Variants in SLC24A3 observed in about 807,000 individuals in gnomAD.
The protein encoded by SLC24A3 is solute carrier family 24 member 3.
Under a neutral mutation model 75.8 loss-of-function variants are expected in SLC24A3, and 28 were observed. The ratio of observed to expected loss-of-function variants is 0.37; its 90% CI spans 0.27 to 0.51. The LOEUF is 0.51. Among genes scored for constraint, SLC24A3 ranks in the 20% least tolerant of loss-of-function variants. The pLI is 0.94. For missense variants in SLC24A3, 663 were observed against 847.8 expected (o/e 0.78, Z 2.71); for synonymous variants, 372 against 334.1 (o/e 1.11, Z -1.24).
chr20:19,530,345 T>G (rs1041022633), intron 3 of SLC24A3, among the ~76,000 whole-genome samples: 2 of 152,134 alleles, frequency 1.3e-5, no homozygotes, highest in Non-Finnish European at 2.9e-5. Context: ...ATCAACTGAG[T>G]GCCGAGGGCC....
chr20:19,258,009 G>T (rs760130559), intron 1 of SLC24A3, among the ~76,000 whole-genome samples: 1 of 152,206 alleles, frequency 6.6e-6, no homozygotes, highest in East Asian at 1.9e-4. Flanking sequence ...CTTCTTAAAG[G>T]CTGGTAAGAG....
chr20:19,641,803 T>A (rs1029315259), intron 6 of SLC24A3, among the ~76,000 whole-genome samples: 3 of 152,156 alleles, frequency 2.0e-5, no homozygotes, highest in African/African-American at 4.8e-5. Context: ...GTGATTCCAA[T>A]GTACAGCCAA....
intron 2 of SLC24A3, among the ~76,000 whole-genome samples, chr20:19,290,603 A>G (rs1983918590): frequency 6.6e-6 from 1 of 152,178 alleles, no homozygotes; most frequent in Non-Finnish European, 1.5e-5. Flanking sequence ...TGGACTTCCC[A>G]GCCTTCAGAG....
At chr20:19,320,816 G>C (rs886272876) in intron 2 of SLC24A3, among the ~76,000 whole-genome samples, 1 of 151,986 alleles carries the variant, frequency 6.6e-6, no homozygotes, top group African/African-American at 2.4e-5. Context: ...GAATAATTAC[G>C]AGAAAACAGT....
At chr20:19,501,953 G>A (rs1988390623) in intron 2 of SLC24A3, among the ~76,000 whole-genome samples, 1 of 152,114 alleles carries the variant, frequency 6.6e-6, no homozygotes, top group Non-Finnish European at 1.5e-5. Context: ...ACTTAATGTG[G>A]CTAAGGGCAA....
At chr20:19,317,702 C>G (rs1314520323) in intron 2 of SLC24A3, among the ~76,000 whole-genome samples, 2 of 152,160 alleles carry the variant, frequency 1.3e-5, no homozygotes, top group Admixed American at 6.5e-5. Flanking sequence ...CTTTTGTTCT[C>G]CCCTTCACCA....
intron 7 of SLC24A3, among the ~76,000 whole-genome samples, chr20:19,661,856 A>G (rs1274373285): frequency 6.6e-6 from 1 of 151,866 alleles, no homozygotes; most frequent in Non-Finnish European, 1.5e-5. Flanking sequence ...TGAGCACTCC[A>G]TTCCCTTGGC....
intron 15 of SLC24A3, among the ~76,000 whole-genome samples, chr20:19,707,761 G>A (rs1185953624): frequency 6.6e-6 from 1 of 152,204 alleles, no homozygotes; most frequent in Non-Finnish European, 1.5e-5. Flanking sequence ...ATGGAGATGG[G>A]GAGACAAGCT....
intron 13 of SLC24A3, chr20:19,695,622 T>C (rs1397559525): frequency 6.6e-6 from 1 of 152,216 alleles, no homozygotes; most frequent in Non-Finnish European, 1.5e-5. Context: ...ACTGAAATAA[T>C]GTTCATCGTA....
intron 2 of SLC24A3, among the ~76,000 whole-genome samples, chr20:19,484,593 A>G (rs543881998): frequency 6.6e-6 from 1 of 152,370 alleles, no homozygotes; most frequent in African/African-American, 2.4e-5. Flanking sequence ...GGTCACAAAA[A>G]GGCAAATGCT....
At chr20:19,691,010 G>A (rs1302083895) in intron 12 of SLC24A3, among the ~76,000 whole-genome samples, 1 of 152,064 alleles carries the variant, frequency 6.6e-6, no homozygotes, top group African/African-American at 2.4e-5. Context: ...GATATTTACT[G>A]AAAATGCAAT....
intron 2 of SLC24A3, among the ~76,000 whole-genome samples, chr20:19,426,575 A>G (rs181424176): frequency 1.8e-4 from 28 of 152,358 alleles, no homozygotes; most frequent in African/African-American, 6.0e-4. Context: ...ATACTTTGCT[A>G]TCACAAATAA....
chr20:19,363,680 CTTA>C (rs1184957785), intron 2 of SLC24A3, among the ~76,000 whole-genome samples: 1 of 152,144 alleles, frequency 6.6e-6, no homozygotes, highest in Non-Finnish European at 1.5e-5. Context: ...CCTCGTGTGG[CTTA>C]TTGTTTTTAG....
At chr20:19,538,676 C>A (rs2030443926) in intron 3 of SLC24A3, among the ~76,000 whole-genome samples, 1 of 152,186 alleles carries the variant, frequency 6.6e-6, no homozygotes, top group Non-Finnish European at 1.5e-5. Context: ...TCTGGAGGAA[C>A]ATAAATTGAT....
At chr20:19,530,109 G>A (rs557914400) in intron 3 of SLC24A3, among the ~76,000 whole-genome samples, 1 of 152,072 alleles carries the variant, frequency 6.6e-6, no homozygotes, top group Non-Finnish European at 1.5e-5. Flanking sequence ...AAGAGTGTTG[G>A]AAAGGAAGTA....
chr20:19,494,134 G>GC (rs11087287), intron 2 of SLC24A3, among the ~76,000 whole-genome samples: 152,293 of 152,306 alleles, frequency 1, 76,140 homozygotes, highest in Middle Eastern at 1. Flanking sequence ...CGGCCACCAG[G>GC]CCCCATGTGC....
At chr20:19,432,147 T>C (rs1987114593) in intron 2 of SLC24A3, among the ~76,000 whole-genome samples, 1 of 151,928 alleles carries the variant, frequency 6.6e-6, no homozygotes, top group African/African-American at 2.4e-5. Context: ...GCTGACAAAA[T>C]ATGCAGCATG....
At chr20:19,457,387 A>T (rs1987596944) in intron 2 of SLC24A3, among the ~76,000 whole-genome samples, 2 of 152,248 alleles carry the variant, frequency 1.3e-5, no homozygotes, top group African/African-American at 4.8e-5. Flanking sequence ...TGCATGATAC[A>T]AATTCAGACT....
Position 19,263,069 on chromosome 20 carries a change from GTGTT to G in SLC24A3, c.143-17888_143-17885del, listed in dbSNP as rs928939673. On this transcript the variant is annotated intron_variant, in intron 1 of 16. Coordinates refer to ENST00000328041, the MANE Select transcript of SLC24A3 (RefSeq NM_020689.4). ...TGTGTGTGTGTGTGTGTGTGTGTGTGTGTTTTCTGTTGACCCCCCCACGTTTGTT... is the reference window on the plus strand; with the variant it reads ...TGTGTGTGTGTGTGTGTGTGTGTGTGTTCTGTTGACCCCCCCACGTTTGTT... Among the ~76,000 whole-genome samples, 65 of 147,030 alleles carry G rather than the reference GTGTT, an allele frequency of 4.4e-4. 1 individual carries two copies. Among genetic ancestry groups the G allele is most frequent in the African/African-American group, 1.7e-3 (65 of 38,388 alleles).
Sources: allele counts gnomAD v4.1 joint callset (sites outside exome capture counted in the v4.1 genomes callset), GRCh38; gene constraint gnomAD v4.1.1; transcripts MANE v1.5; gene names NCBI Gene and HGNC (gene_info 2026-07-23, HGNC 2026-07-21).